Variants in NDRG1 observed in about 807,000 individuals in gnomAD.
NDRG1 encodes the protein N-myc downstream regulated 1.
In NDRG1, 32 loss-of-function variants were observed where a neutral mutation model predicts 56.9. That is an observed-to-expected ratio of 0.56 (90% CI 0.42 to 0.76). NDRG1 has a LOEUF of 0.76. Ranked by LOEUF, NDRG1 falls within the 30% of genes least tolerant of loss-of-function variation. NDRG1 has a pLI of 0.00. For synonymous variants in NDRG1, 211 were observed against 204.1 expected (o/e 1.03, Z -0.29); for missense variants, 507 against 545.7 (o/e 0.93, Z 0.71).
chr8:133,255,088 C>T (rs1856295703), intron 8 of NDRG1: 1 of 338,902 alleles, frequency 3.0e-6, no homozygotes. Flanking sequence ...TCCTACCTCT[C>T]CCCAGTGACT....
At chr8:133,243,440 T>G (rs1437317113) in intron 14 of NDRG1, among the ~76,000 whole-genome samples, 1 of 152,230 alleles carries the variant, frequency 6.6e-6, no homozygotes, top group African/African-American at 2.4e-5. Context: ...ATAAAATGCT[T>G]GCTCTTCCCA....
chr8:133,244,623 T>C (rs781306071), intron 13 of NDRG1: 14 of 619,200 alleles, frequency 2.3e-5, no homozygotes, highest in South Asian at 7.3e-5. Flanking sequence ...CCAGGCACTA[T>C]GCTAGGCCCT....
intron 1 of NDRG1, among the ~76,000 whole-genome samples, chr8:133,285,087 C>T (rs1858034481): frequency 6.6e-6 from 1 of 152,132 alleles, no homozygotes; most frequent in African/African-American, 2.4e-5. Flanking sequence ...GCTGCAAAAC[C>T]AGACTGAAGC....
At chr8:133,293,679 T>A (rs1481345761) in intron 1 of NDRG1, among the ~76,000 whole-genome samples, 3 of 152,168 alleles carry the variant, frequency 2.0e-5, no homozygotes, top group Non-Finnish European at 4.4e-5. Context: ...TTCTCTCCCC[T>A]GTCATTCCAG....
chr8:133,257,908 TACACAATTGCTCGGTGAGGATACAA>T (rs1856464560), intron 7 of NDRG1, among the ~76,000 whole-genome samples: 1 of 152,212 alleles, frequency 6.6e-6, no homozygotes, highest in Non-Finnish European at 1.5e-5. Context: ...GTTGCATTCT[TACACAATTGCTCGGTGAGGATACAA>T]AGGAACAGTG....
intron 10 of NDRG1, among the ~76,000 whole-genome samples, chr8:133,249,765 T>G (rs753484361): frequency 2.2e-4 from 33 of 152,234 alleles, no homozygotes; most frequent in Non-Finnish European, 2.9e-5. Flanking sequence ...GATACTAAGC[T>G]CTGTTACAAA....
At chr8:133,252,156 C>A (rs558037747) in intron 9 of NDRG1, among the ~76,000 whole-genome samples, 1 of 152,152 alleles carries the variant, frequency 6.6e-6, no homozygotes, top group Non-Finnish European at 1.5e-5. Flanking sequence ...CAGTGCATGG[C>A]GCGATCTCGG....
At chr8:133,257,787 C>CT (rs902814001) in intron 7 of NDRG1, among the ~76,000 whole-genome samples, 6 of 152,022 alleles carry the variant, frequency 3.9e-5, no homozygotes, top group Admixed American at 6.6e-5. Flanking sequence ...GCATTCCTTT[C>CT]TTTTTTTTGT....
rs774885520 is a variant in NDRG1, at chr8:133,244,375, C to T, written c.871G>A (p.Gly291Ser). ...TTLLKMADCG[G>S]LPQISQPAKL... ...CTCACCTGGGAGATCTGCGGGAGGC[C>T]GCCACAGTCCGCCATCTAGGAGAGA... Residue 291 changes from glycine to serine, a missense_variant, in exon 14 of 16, where the codon GGC becomes AGC. Gly to Ser is a moderately conservative substitution (Grantham distance 56). Coordinates refer to ENST00000323851, the MANE Select transcript of NDRG1 (RefSeq NM_006096.4). 18 of 1,614,120 alleles carry T rather than the reference C, an allele frequency of 1.1e-5. No homozygotes were observed. Among genetic ancestry groups the T allele is most frequent in the African/African-American group, 5.3e-5 (4 of 74,948 alleles).
intron 9 of NDRG1, among the ~76,000 whole-genome samples, chr8:133,251,245 C>T (rs781770910): frequency 1.6e-4 from 24 of 152,128 alleles, no homozygotes; most frequent in Non-Finnish European, 3.2e-4. Flanking sequence ...CTCATTTGTA[C>T]GAGGGCAGAC....
At chr8:133,259,823 G>A (rs1856572341) in intron 5 of NDRG1, among the ~76,000 whole-genome samples, 1 of 152,204 alleles carries the variant, frequency 6.6e-6, no homozygotes, top group African/African-American at 2.4e-5. Flanking sequence ...CAGAAACAGG[G>A]GGTGTTACTC....
At chr8:133,252,686 T>C (rs1167905292) in intron 9 of NDRG1, among the ~76,000 whole-genome samples, 12,902 of 50,260 alleles carry the variant, frequency 0.26, no homozygotes, top group Middle Eastern at 0.36. Context: ...CTGGTACACT[T>C]GCCAACTCCA....
chr8:133,247,777 G>T, intron 12 of NDRG1, 98 bp downstream of exon 12: 2 of 1,276,616 alleles, frequency 1.6e-6, no homozygotes, highest in South Asian at 1.2e-5. Flanking sequence ...GCCCTGATGG[G>T]GCAGAGGAGA....
At chr8:133,284,693 A>G in intron 1 of NDRG1, 4 of 458,084 alleles carry the variant, frequency 8.7e-6, no homozygotes, top group South Asian at 6.6e-5. Flanking sequence ...TGCATTGCTG[A>G]TCCCAAAGTC....
At chr8:133,242,941 C>T (rs906459568) in intron 14 of NDRG1, among the ~76,000 whole-genome samples, 2 of 152,158 alleles carry the variant, frequency 1.3e-5, no homozygotes, top group Admixed American at 6.5e-5. Flanking sequence ...AAGTGAAATG[C>T]GTATGGAATG....
In NDRG1 at chr8:133,238,972, G is replaced by A. The variant is rs767058269; in HGVS notation, c.1091C>T (p.Ser364Leu). Reference protein sequence around the residue: ...SHTSEGTRSRSHTSEGAHLDI... With the variant: ...SHTSEGTRSRLHTSEGAHLDI... Reference sequence around the variant, plus strand: ...CAGGTGGGCCCCCTCGCTGGTGTGCGAGCGGCTGCGGGTGCCCTCGCTGGT... The same window carrying A: ...CAGGTGGGCCCCCTCGCTGGTGTGCAAGCGGCTGCGGGTGCCCTCGCTGGT... Residue 364 changes from serine (S) to leucine (L), a missense_variant, in exon 16 of 16, where the codon TCG (serine) becomes TTG (leucine). Coordinates refer to ENST00000323851, the MANE Select transcript of NDRG1 (RefSeq NM_006096.4). 6.4e-5 allele frequency: 101 copies of A among 1,589,112 alleles called. 1 individual carries two copies. The South Asian group carries it at 1.0e-3, about 16-fold the overall frequency.
At chr8:133,261,553 C>T (rs4736644) in intron 5 of NDRG1, among the ~76,000 whole-genome samples, 63,745 of 152,044 alleles carry the variant, frequency 0.42, 15,188 homozygotes, top group South Asian at 0.66. Context: ...CAGTGTTAGA[C>T]ACAAATGATG....
intron 1 of NDRG1, among the ~76,000 whole-genome samples, chr8:133,285,700 G>C (rs2930002): frequency 0.27 from 41,790 of 152,170 alleles, 6,249 homozygotes; most frequent in East Asian, 0.49. Context: ...TGGGGCCCCA[G>C]CATGATTTTC....
intron 1 of NDRG1, among the ~76,000 whole-genome samples, chr8:133,287,321 A>G (rs1194836619): frequency 1.3e-5 from 2 of 152,144 alleles, no homozygotes; most frequent in African/African-American, 4.8e-5. Context: ...CTCAAAGAAC[A>G]TCTGAGTTCA....
Sources: gnomAD v4.1 joint callset for allele counts (sites outside exome capture counted in the v4.1 genomes callset) on GRCh38, gnomAD v4.1.1 for gene constraint, MANE v1.5 for transcripts, NCBI Gene and HGNC (gene_info 2026-07-23, HGNC 2026-07-21) for gene names.